Variants in ARFGAP3 observed in about 807,000 individuals in gnomAD.
ARFGAP3 encodes ARF GTPase activating protein 3, also known as ADP-ribosylation factor GTPase-activating protein 3.
Under a neutral mutation model 75.0 loss-of-function variants are expected in ARFGAP3, and 72 were observed. That is an observed-to-expected ratio of 0.96 (90% CI 0.79 to 1.17). The LOEUF is 1.17. Ranked by LOEUF, ARFGAP3 falls within the 50% of genes most tolerant of loss-of-function variation. ARFGAP3 has a pLI of 0.00. For missense variants in ARFGAP3, 620 were observed against 626.6 expected (o/e 0.99, Z 0.11); for synonymous variants, 221 against 217.9 (o/e 1.01, Z -0.13).
At chr22:42,825,531 T>C (rs980744685) in intron 7 of ARFGAP3, among the ~76,000 whole-genome samples, 1 of 151,490 alleles carries the variant, frequency 6.6e-6, no homozygotes, top group Non-Finnish European at 1.5e-5. Flanking sequence ...AAAAGTTTGC[T>C]GGGCATGGTG....
chr22:42,827,645 C>T (rs1926102358), intron 6 of ARFGAP3, among the ~76,000 whole-genome samples: 1 of 152,180 alleles, frequency 6.6e-6, no homozygotes, highest in African/African-American at 2.4e-5. Context: ...GGATTACAGG[C>T]GTGAGCCACT....
At chr22:42,810,474 C>T (rs1468687666) in intron 12 of ARFGAP3, among the ~76,000 whole-genome samples, 1 of 152,004 alleles carries the variant, frequency 6.6e-6, no homozygotes, top group Non-Finnish European at 1.5e-5. Flanking sequence ...AAAAATAAAA[C>T]AAAACAAAAC....
rs367795594 is a variant in ARFGAP3 at position 42,821,275 on chromosome 22, T to C, written c.812+995A>G. Among the ~76,000 whole-genome samples the C allele has an allele frequency of 2.4e-4, 36 of 152,354 alleles. No individual in the cohort carries two copies. The East Asian group carries it at 3.9e-3, about 16-fold the overall frequency. ...GTAAAACTCACCCTGTTAAAGTGCA[T>C]GATTCAGTGGTTTCAGCACATTCAC... is the stretch of plus-strand genomic sequence containing the variant. On this transcript the variant is annotated intron_variant, in intron 9 of 15. Transcript: ENST00000263245.
Position 42,822,252 on chromosome 22 carries a change from T to A in ARFGAP3, c.812+18A>T. 6.3e-7 allele frequency: 1 copy of A among 1,593,532 alleles called. No homozygotes were observed. The highest frequency in any genetic ancestry group is 8.6e-7 in the Non-Finnish European group (1 of 1,165,354). ...TTTATTCCCTGAAAATGTATTAATA[T>A]AATGAAATTAAACTTACATTGATTC... On this transcript the variant is annotated intron_variant, in intron 9 of 15. Coordinates refer to ENST00000263245, the MANE Select transcript of ARFGAP3 (RefSeq NM_014570.5).
At chr22:42,804,005 G>A (rs777440081) in intron 14 of ARFGAP3, among the ~76,000 whole-genome samples, 3 of 149,134 alleles carry the variant, frequency 2.0e-5, no homozygotes, top group Non-Finnish European at 4.4e-5. Context: ...CTGGGCTCAG[G>A]TCATCCTCCC....
chr22:42,816,044 G>A (rs1034343593), intron 11 of ARFGAP3, among the ~76,000 whole-genome samples: 1 of 152,210 alleles, frequency 6.6e-6, no homozygotes, highest in South Asian at 2.1e-4. Flanking sequence ...AACCTGGGAG[G>A]TGGAGGTTGC....
At chr22:42,817,318 C>A in intron 10 of ARFGAP3, 54 bp from the exon 11 acceptor site, 2 of 1,533,550 alleles carry the variant, frequency 1.3e-6, no homozygotes, top group Non-Finnish European at 1.8e-6. Context: ...TTTTGTTTCA[C>A]CAAAATAAAC....
chr22:42,819,639 A>G (rs1416186925), intron 9 of ARFGAP3, among the ~76,000 whole-genome samples: 1 of 152,228 alleles, frequency 6.6e-6, no homozygotes, highest in Non-Finnish European at 1.5e-5. Context: ...GTGGGCACAC[A>G]GAGAGCCTCT....
chr22:42,808,275 G>A (rs868687865), intron 13 of ARFGAP3, among the ~76,000 whole-genome samples: 2 of 151,782 alleles, frequency 1.3e-5, no homozygotes, highest in African/African-American at 4.8e-5. Flanking sequence ...GTGCACGGCC[G>A]TATTCCCAGC....
At position 42,832,554 on chromosome 22, in the gene ARFGAP3, A is replaced by T. The variant is rs535569542; in HGVS notation, c.478-918T>A. Among the ~76,000 whole-genome samples the T allele has an allele frequency of 5.9e-5, 9 of 151,990 alleles. No individual in the cohort carries two copies. The East Asian group carries it at 9.7e-4, about 16-fold the overall frequency. On this transcript the variant is annotated intron_variant, in intron 5 of 15. Coordinates refer to ENST00000263245, the MANE Select transcript of ARFGAP3 (RefSeq NM_014570.5). The stretch of plus-strand genomic sequence containing the variant: ...ATCTCAAAAAAAAAAAAAACGAAAG[A>T]AAAAAAGAAAATTAAAGAATAGATT...
At chr22:42,804,625 C>T (rs1428714861) in intron 14 of ARFGAP3, among the ~76,000 whole-genome samples, 1 of 152,076 alleles carries the variant, frequency 6.6e-6, no homozygotes, top group Non-Finnish European at 1.5e-5. Context: ...CGTGATCCAC[C>T]CGCCTCGGCC....
At chr22:42,850,059 G>A (rs1465410832) in intron 1 of ARFGAP3, among the ~76,000 whole-genome samples, 2 of 152,052 alleles carry the variant, frequency 1.3e-5, no homozygotes, top group African/African-American at 4.8e-5. Context: ...AAAATTACTA[G>A]CCCCTTCAAC....
chr22:42,852,779 G>A (rs976168734), intron 1 of ARFGAP3, among the ~76,000 whole-genome samples: 1 of 151,756 alleles, frequency 6.6e-6, no homozygotes, highest in African/African-American at 2.4e-5. Flanking sequence ...TTGTGTGTGC[G>A]TGTGAGATGG....
rs1178189449 is a variant in ARFGAP3 at position 42,822,311 on chromosome 22, C to T, written c.771G>A (p.Glu257=). The T allele has an allele frequency of 1.2e-6, 2 of 1,613,974 alleles. No individual in the cohort carries two copies. The highest frequency in any genetic ancestry group is 2.7e-5 in the African/African-American group (2 of 74,892). Residue 257 remains glutamate, a synonymous_variant, in exon 9 of 16, where the codon GAG becomes GAA. Coordinates refer to ENST00000263245, the MANE Select transcript of ARFGAP3 (RefSeq NM_014570.5). ...ATACCACCTTGGCCAGGTCTTCCTG[C>T]TCCTTCATTTTATCCGCAGCTTGAG... ...KQAQAADKMK[E]QEDLAKVVSK...
Position 42,823,715 on chromosome 22 carries a change from AAAAATT to A in ARFGAP3, c.626-19_626-14del. ...ATAGAGGATACCTCTGCCAAAAAAT[AAAAATT>A]AAAAAGTAAGACCAATAGAAATAAT... On this transcript the variant is annotated splice_polypyrimidine_tract_variant and intron_variant, in intron 7 of 15. Coordinates refer to ENST00000263245, the MANE Select transcript of ARFGAP3 (RefSeq NM_014570.5). 1 of 1,541,994 alleles carries A rather than the reference AAAAATT, an allele frequency of 6.5e-7. No individual in the cohort carries two copies. The highest frequency in any genetic ancestry group is 1.2e-5 in the South Asian group (1 of 81,200).
At chr22:42,834,122 G>T in intron 5 of ARFGAP3, 120 bp downstream of exon 5, 1 of 889,436 alleles carries the variant, frequency 1.1e-6, no homozygotes, top group Non-Finnish European at 1.8e-6. Flanking sequence ...CTCTTCAGTA[G>T]TTATGTTTCA....
At chr22:42,842,943 C>T (rs1258521210) in intron 2 of ARFGAP3, among the ~76,000 whole-genome samples, 1 of 152,086 alleles carries the variant, frequency 6.6e-6, no homozygotes, top group Non-Finnish European at 1.5e-5. Context: ...CTGTATGGGG[C>T]TCTCTTGCTC....
intron 1 of ARFGAP3, among the ~76,000 whole-genome samples, chr22:42,852,890 G>A (rs887636594): frequency 6.6e-6 from 1 of 150,956 alleles, no homozygotes; most frequent in Admixed American, 6.6e-5. Context: ...TCAGCCTCCC[G>A]AACAGCTGAG....
chr22:42,854,711 G>A (rs879742033), intron 1 of ARFGAP3, among the ~76,000 whole-genome samples: 1 of 152,066 alleles, frequency 6.6e-6, no homozygotes, highest in South Asian at 2.1e-4. Flanking sequence ...ATGAGACGAA[G>A]AAATTGGATA....
Sources: allele counts gnomAD v4.1 joint callset (sites outside exome capture counted in the v4.1 genomes callset), GRCh38; gene constraint gnomAD v4.1.1; transcripts MANE v1.5; gene names NCBI Gene and HGNC (gene_info 2026-07-23, HGNC 2026-07-21).